CREB5: variants seen among roughly 807,000 people sequenced by gnomAD.
The protein encoded by CREB5 is cAMP responsive element binding protein 5, also known as cyclic AMP-responsive element-binding protein 5.
Under a neutral mutation model 57.1 loss-of-function variants are expected in CREB5, and 19 were observed. The observed-to-expected ratio is 0.33, with a 90% CI of 0.23 to 0.49. CREB5 has a LOEUF of 0.49. Ranked by LOEUF, CREB5 falls within the 20% of genes least tolerant of loss-of-function variation. The probability of loss-of-function intolerance (pLI) is 0.99; values close to 1 mark genes in which losing one functional copy is unlikely to be tolerated. For missense variants in CREB5, 579 were observed against 671.6 expected, an observed-to-expected ratio of 0.86 and a Z score of 1.52; for synonymous variants, 238 against 238.3, an observed-to-expected ratio of 1.00 and a Z score of 0.01.
At position 28,737,565 on chromosome 7, in the gene CREB5, ATATATATATATATATATAT is replaced by A. The variant is rs1562606607; in HGVS notation, c.702+13234_702+13252del. On this transcript the variant is annotated intron_variant, in intron 7 of 10. Coordinates refer to ENST00000357727, the MANE Select transcript of CREB5 (RefSeq NM_182898.4). ...TATATATATATATATATATATATAT[ATATATATATATATATATAT>A]ATATTTTTAACTCCTGTTTCAAAGG... is the stretch of plus-strand genomic sequence containing the variant. Among the ~76,000 whole-genome samples, 445 of 110,402 alleles carry A rather than the reference ATATATATATATATATATAT, an allele frequency of 4.0e-3. 14 individuals carry two copies. The highest frequency in any genetic ancestry group is 8.8e-3 in the African/African-American group (290 of 33,134). The allele number at this position is 110,402 out of a possible 152,430, so 72.4% of individuals were successfully genotyped here.
intron 1 of CREB5, among the ~76,000 whole-genome samples, chr7:28,321,878 A>G (rs1160454756): frequency 1.3e-5 from 2 of 152,218 alleles, no homozygotes; most frequent in African/African-American, 2.4e-5. Flanking sequence ...TGTCAGATAC[A>G]TGAAGTTGGC....
upstream of CREB5, chr7:28,410,676 GC>G: frequency 2.5e-6 from 1 of 400,470 alleles, no homozygotes; most frequent in Non-Finnish European, 5.0e-6. Flanking sequence ...TTGTCAGTCT[GC>G]AGAATGTGTT....
chr7:28,547,837 G>C (rs1230575857), intron 4 of CREB5, among the ~76,000 whole-genome samples: 1 of 152,182 alleles, frequency 6.6e-6, no homozygotes, highest in African/African-American at 2.4e-5. Context: ...TGAAGATAAA[G>C]ACCATATCTT....
chr7:28,370,427 A>G (rs1432775958), intron 1 of CREB5, among the ~76,000 whole-genome samples: 2 of 152,170 alleles, frequency 1.3e-5, no homozygotes, highest in Non-Finnish European at 2.9e-5. Context: ...CACCTCATAA[A>G]GGTGAGGTGT....
At chr7:28,670,143 A>G (rs748926690) in intron 5 of CREB5, among the ~76,000 whole-genome samples, 33 of 152,164 alleles carry the variant, frequency 2.2e-4, no homozygotes, top group Non-Finnish European at 4.6e-4. Context: ...ATCATACCGA[A>G]CCCTCTATAT....
At chr7:28,354,394 T>C (rs1786298835) in intron 1 of CREB5, among the ~76,000 whole-genome samples, 1 of 152,160 alleles carries the variant, frequency 6.6e-6, no homozygotes, top group Non-Finnish European at 1.5e-5. Flanking sequence ...TCCCAGCCTA[T>C]GTCTTTCTCC....
chr7:28,712,547 T>TATTATTA (rs1190814066), intron 5 of CREB5, among the ~76,000 whole-genome samples: 3 of 150,164 alleles, frequency 2.0e-5, no homozygotes, highest in South Asian at 2.1e-4. Flanking sequence ...TTATTATTAT[T>TATTATTA]TTCTGAGATG....
chr7:28,315,841 C>T (rs766166561), intron 1 of CREB5, among the ~76,000 whole-genome samples: 3 of 152,278 alleles, frequency 2.0e-5, no homozygotes, highest in Admixed American at 1.3e-4. Context: ...TTGCCAGAGT[C>T]GGGCTCTGGG....
intron 5 of CREB5, among the ~76,000 whole-genome samples, chr7:28,608,230 T>G (rs887854954): frequency 3.3e-5 from 5 of 152,110 alleles, no homozygotes; most frequent in Non-Finnish European, 7.4e-5. Flanking sequence ...GGACCAAGAC[T>G]TTTTCCCCCT....
At chr7:28,647,403 C>T (rs1456072814) in intron 5 of CREB5, among the ~76,000 whole-genome samples, 1 of 151,940 alleles carries the variant, frequency 6.6e-6, no homozygotes, top group Non-Finnish European at 1.5e-5. Flanking sequence ...AGATTAGATG[C>T]CGGATACCTC....
chr7:28,756,392 TA>T (rs947087519), intron 7 of CREB5, among the ~76,000 whole-genome samples: 5 of 151,664 alleles, frequency 3.3e-5, no homozygotes, highest in Non-Finnish European at 7.4e-5. Flanking sequence ...GTCTCTACTT[TA>T]AAAAAATACA....
intron 1 of CREB5, among the ~76,000 whole-genome samples, chr7:28,322,406 A>G (rs960350351): frequency 2.0e-5 from 3 of 152,182 alleles, no homozygotes; most frequent in African/African-American, 7.2e-5. Flanking sequence ...TTCAAAATGA[A>G]TTTTTAAAAT....
At chr7:28,719,874 A>C (rs920567320) in intron 6 of CREB5, among the ~76,000 whole-genome samples, 13 of 152,194 alleles carry the variant, frequency 8.5e-5, no homozygotes, top group African/African-American at 3.1e-4. Context: ...AGCCTGGCCA[A>C]CATGGTGAAA....
At chr7:28,705,017 T>C (rs1245704233) in intron 5 of CREB5, among the ~76,000 whole-genome samples, 2 of 152,162 alleles carry the variant, frequency 1.3e-5, no homozygotes, top group African/African-American at 2.4e-5. Flanking sequence ...GGTTGACACA[T>C]CTTAAGAAAG....
intron 2 of CREB5, among the ~76,000 whole-genome samples, chr7:28,489,592 C>T (rs368302852): frequency 3.9e-5 from 6 of 151,984 alleles, no homozygotes; most frequent in African/African-American, 1.2e-4. Flanking sequence ...TGAGCCACCG[C>T]GCCCGGCCGG....
chr7:28,757,279 TG>T (rs1805378644), intron 7 of CREB5, among the ~76,000 whole-genome samples: 1 of 152,234 alleles, frequency 6.6e-6, no homozygotes, highest in South Asian at 2.1e-4. Flanking sequence ...GTAGCAGAGC[TG>T]ACATTTAAAC....
intron 5 of CREB5, among the ~76,000 whole-genome samples, chr7:28,707,673 G>T (rs1802185874): frequency 6.6e-6 from 1 of 152,138 alleles, no homozygotes; most frequent in African/African-American, 2.4e-5. Context: ...TTTTTTAAGA[G>T]CCCAAGAAGA....
At chr7:28,399,800 A>G (rs1221638025) in intron 1 of CREB5, among the ~76,000 whole-genome samples, 1 of 152,186 alleles carries the variant, frequency 6.6e-6, no homozygotes, top group African/African-American at 2.4e-5. Flanking sequence ...TCACGCCTGT[A>G]ATCCCAGCAC....
intron 1 of CREB5, among the ~76,000 whole-genome samples, chr7:28,402,263 G>C (rs549437514): frequency 2.6e-5 from 4 of 152,090 alleles, no homozygotes; most frequent in Non-Finnish European, 5.9e-5. Flanking sequence ...GGGGTTCTTT[G>C]ATTTTTTTCT....
Sources: gnomAD v4.1 joint callset for allele counts (sites outside exome capture counted in the v4.1 genomes callset) on GRCh38, gnomAD v4.1.1 for gene constraint, MANE v1.5 for transcripts, NCBI Gene and HGNC (gene_info 2026-07-23, HGNC 2026-07-21) for gene names.